IKZF3: variants seen among roughly 807,000 people sequenced by gnomAD.
IKZF3 encodes the protein IKAROS family zinc finger 3, also known as zinc finger protein Aiolos.
Under a neutral mutation model 49.0 loss-of-function variants are expected in IKZF3, and 10 were observed. The ratio of observed to expected loss-of-function variants is 0.20; its 90% confidence interval spans 0.13 to 0.35. IKZF3 has a LOEUF of 0.35. Among genes scored for constraint, IKZF3 ranks in the 10% least tolerant of loss-of-function variants. IKZF3 has a pLI of 1.00. For synonymous variants in IKZF3, 209 were observed against 228.2 expected, an observed-to-expected ratio of 0.92 and a Z score of 0.76; for missense variants, 498 against 664.8, an observed-to-expected ratio of 0.75 and a Z score of 2.76.
intron 3 of IKZF3, among the ~76,000 whole-genome samples, chr17:39,813,201 C>A (rs2061602023): frequency 6.6e-6 from 1 of 151,776 alleles, no homozygotes; most frequent in Admixed American, 6.6e-5. Flanking sequence ...TGGGCAGCCC[C>A]ATTTTTCTGT....
chr17:39,805,224 G>C (rs2061407491), intron 3 of IKZF3, among the ~76,000 whole-genome samples: 1 of 152,200 alleles, frequency 6.6e-6, no homozygotes, highest in African/African-American at 2.4e-5. Context: ...AGTAAGGAAG[G>C]AAAGAAGATA....
At chr17:39,825,212 T>C (rs2061925641) in intron 3 of IKZF3, among the ~76,000 whole-genome samples, 1 of 152,206 alleles carries the variant, frequency 6.6e-6, no homozygotes, top group Non-Finnish European at 1.5e-5. Context: ...CACCAGGTCA[T>C]GGTAAATGCC....
chr17:39,841,040 G>A (rs2062449716), intron 1 of IKZF3, among the ~76,000 whole-genome samples: 1 of 152,176 alleles, frequency 6.6e-6, no homozygotes, highest in Admixed American at 6.5e-5. Flanking sequence ...AGCCAGGCAT[G>A]TTGGCATGAG....
At chr17:39,813,611 T>C (rs1025589253) in intron 3 of IKZF3, among the ~76,000 whole-genome samples, 2 of 151,244 alleles carry the variant, frequency 1.3e-5, no homozygotes, top group African/African-American at 4.9e-5. Context: ...GCCACTGCAC[T>C]CCAGCCTGGG....
At chr17:39,767,066 TC>T (rs2060313219) in intron 7 of IKZF3, among the ~76,000 whole-genome samples, 1 of 152,110 alleles carries the variant, frequency 6.6e-6, no homozygotes, top group Non-Finnish European at 1.5e-5. Context: ...AACTGGCTAC[TC>T]CCCAAACTCA....
chr17:39,838,559 A>AT (rs1223986456), intron 1 of IKZF3, among the ~76,000 whole-genome samples: 4 of 152,038 alleles, frequency 2.6e-5, no homozygotes, highest in Non-Finnish European at 4.4e-5. Context: ...GCTTTCAAAT[A>AT]TTTTTTCTGT....
chr17:39,798,058 CA>C (rs2061216249), intron 3 of IKZF3, among the ~76,000 whole-genome samples: 1 of 152,122 alleles, frequency 6.6e-6, no homozygotes, highest in African/African-American at 2.4e-5. Context: ...CACATTCAAT[CA>C]TTCAGTGGTT....
chr17:39,821,717 G>A (rs1227754394), intron 3 of IKZF3, among the ~76,000 whole-genome samples: 1 of 152,044 alleles, frequency 6.6e-6, no homozygotes, highest in Non-Finnish European at 1.5e-5. Flanking sequence ...TGCCTCTAAT[G>A]GAAAAAATAT....
At chr17:39,836,138 C>A (rs573830644) in intron 1 of IKZF3, 1 of 657,174 alleles carries the variant, frequency 1.5e-6, no homozygotes, top group East Asian at 2.7e-5. Context: ...TGAGTGCACA[C>A]GGCCTGGATG....
At chr17:39,826,937 T>C (rs1025204149) in intron 3 of IKZF3, among the ~76,000 whole-genome samples, 2 of 152,362 alleles carry the variant, frequency 1.3e-5, no homozygotes, top group East Asian at 1.9e-4. Context: ...CCACACATAG[T>C]TGGCAAGTGG....
intron 1 of IKZF3, among the ~76,000 whole-genome samples, chr17:39,841,127 A>T (rs1055738016): frequency 2.6e-5 from 4 of 151,532 alleles, no homozygotes; most frequent in Non-Finnish European, 4.4e-5. Flanking sequence ...CAGTGAGATG[A>T]GACAGTGCCA....
rs929619166 is a variant in IKZF3, at chr17:39,762,459, C to T, written c.*3331G>A. 6 of 152,148 alleles carry T rather than the reference C, an allele frequency of 3.9e-5. No homozygotes were observed. Among genetic ancestry groups the T allele is most frequent in the Non-Finnish European group, 8.8e-5 (6 of 68,042 alleles). 9.4% of individuals were successfully genotyped at this position (152,148 alleles called of 1,614,324 possible). A position where few individuals can be genotyped will look rare whatever the true frequency, so the allele number is the denominator to read the frequency against. ...AGTGCCTTTGTGAGTGGTCACCTTA[C>T]TCAGAAAACTAACCTCAGAAGAATA... On this transcript the variant is annotated 3_prime_UTR_variant, in exon 8 of 8. Transcript: ENST00000346872.
At chr17:39,850,512 T>C (rs1242456515) in intron 1 of IKZF3, among the ~76,000 whole-genome samples, 1 of 90,350 alleles carries the variant, frequency 1.1e-5, no homozygotes, top group Non-Finnish European at 2.1e-5. Context: ...ATATAATATA[T>C]AGCATATTAT....
chr17:39,806,465 T>C (rs1187479295), intron 3 of IKZF3, among the ~76,000 whole-genome samples: 1 of 152,210 alleles, frequency 6.6e-6, no homozygotes, highest in Non-Finnish European at 1.5e-5. Context: ...ATTATATGAA[T>C]GGACAACAGA....
intron 7 of IKZF3, 78 bp downstream of exon 7, chr17:39,777,573 C>A (rs1170298337): frequency 2.1e-6 from 2 of 938,710 alleles, no homozygotes; most frequent in Non-Finnish European, 1.7e-6. Flanking sequence ...CTAGGAAAGG[C>A]CTTGTGTAGC....
chr17:39,861,367 A>G (rs1386155549), intron 1 of IKZF3, among the ~76,000 whole-genome samples: 1 of 152,222 alleles, frequency 6.6e-6, no homozygotes, highest in Non-Finnish European at 1.5e-5. Context: ...GAGAGCCTTC[A>G]TGGCGATGAT....
intron 6 of IKZF3, chr17:39,778,193 C>T (rs747583129): frequency 3.2e-5 from 32 of 987,022 alleles, no homozygotes; most frequent in Admixed American, 6.1e-5. Flanking sequence ...CCCAGATTTA[C>T]TGCTCTGTTT....
At chr17:39,808,660 G>A (rs2061486428) in intron 3 of IKZF3, among the ~76,000 whole-genome samples, 1 of 152,160 alleles carries the variant, frequency 6.6e-6, no homozygotes, top group Non-Finnish European at 1.5e-5. Context: ...AGTTCACTGA[G>A]GGTTCATTCA....
chr17:39,840,349 T>C (rs1357111802), intron 1 of IKZF3, among the ~76,000 whole-genome samples: 1 of 152,214 alleles, frequency 6.6e-6, no homozygotes, highest in Non-Finnish European at 1.5e-5. Context: ...GAGGCTGAAA[T>C]GGGGCCTGCC....
Sources: allele counts gnomAD v4.1 joint callset (sites outside exome capture counted in the v4.1 genomes callset), GRCh38; gene constraint gnomAD v4.1.1; transcripts MANE v1.5; gene names NCBI Gene and HGNC (gene_info 2026-07-23, HGNC 2026-07-21).